The following AGAP3 variants were observed in gnomAD, a reference collection of about 807,000 sequenced individuals.
The protein encoded by AGAP3 is ArfGAP with GTPase domain, ankyrin repeat and PH domain 3.
A neutral mutation model predicts 96.9 loss-of-function variants in AGAP3; 24 were observed. The ratio of observed to expected loss-of-function variants is 0.25; its 90% CI spans 0.18 to 0.35. The LOEUF is 0.35. Among genes scored for constraint, AGAP3 ranks in the 10% least tolerant of loss-of-function variants. The probability of loss-of-function intolerance (pLI) is 1.00; values close to 1 mark genes in which losing one functional copy is unlikely to be tolerated. For missense variants in AGAP3, 876 were observed against 1,254.2 expected (o/e 0.70, Z 4.55); for synonymous variants, 563 against 536.1 (o/e 1.05, Z -0.69).
intron 1 of AGAP3, chr7:151,116,517 C>T (rs1348298960): frequency 9.8e-6 from 5 of 512,180 alleles, no homozygotes; most frequent in Non-Finnish European, 1.0e-5. Context: ...CCTGCTGGAG[C>T]AGGAAGAGGA....
At chr7:151,120,286 C>T (rs754708814) in intron 8 of AGAP3, 141 bp downstream of exon 8, 3 of 923,034 alleles carry the variant, frequency 3.3e-6, no homozygotes, top group Non-Finnish European at 4.8e-6. Flanking sequence ...ATACACACGG[C>T]TCCCGAGGGT....
chr7:151,128,787 G>A, intron 10 of AGAP3, 103 bp downstream of exon 10: 1 of 974,720 alleles, frequency 1.0e-6, no homozygotes, highest in Non-Finnish European at 1.6e-6. Flanking sequence ...ACGGGAAGCA[G>A]ACCTTAGTGA....
Position 151,118,089 on chromosome 7 carries a change from G to C in AGAP3, c.707-121G>C. The stretch of plus-strand genomic sequence containing the variant: ...TGAGACCCAGGCACCCGCGTTCTTG[G>C]TGCTCTGTGTGTTCCACTCACCAGG... On this transcript the variant is annotated intron_variant, in intron 5 of 17. Transcript: ENST00000397238. The surrounding 1 kb of genome is among the most constrained non-coding windows in gnomAD (Gnocchi z 6.1). 4 of 1,351,466 alleles carry C rather than the reference G, an allele frequency of 3.0e-6. No individual in the cohort carries two copies. The highest frequency in any genetic ancestry group is 1.5e-5 in the South Asian group (1 of 68,614). The allele number at this position is 1,351,466 out of a possible 1,614,324, so 83.7% of individuals were successfully genotyped here.
chr7:151,131,247 C>G (rs1350810510), intron 10 of AGAP3: 1 of 152,264 alleles, frequency 6.6e-6, no homozygotes, highest in Non-Finnish European at 1.5e-5. Context: ...GCCAGCGGAG[C>G]CATTCACACA....
At chr7:151,111,919 C>A (rs1799305444) in intron 1 of AGAP3, among the ~76,000 whole-genome samples, 1 of 152,162 alleles carries the variant, frequency 6.6e-6, no homozygotes, top group South Asian at 2.1e-4. Context: ...CAGTACTGTT[C>A]GTGTAGTCCC....
intron 1 of AGAP3, among the ~76,000 whole-genome samples, chr7:151,101,193 C>T (rs1157113969): frequency 1.3e-5 from 2 of 152,254 alleles, no homozygotes; most frequent in Non-Finnish European, 2.9e-5. Context: ...GCTTGAGCCA[C>T]CAAGGAGCCT....
intron 1 of AGAP3, among the ~76,000 whole-genome samples, chr7:151,100,405 C>G (rs1798791010): frequency 6.6e-6 from 1 of 152,244 alleles, no homozygotes; most frequent in Non-Finnish European, 1.5e-5. Flanking sequence ...ACAGCAGCCC[C>G]TAAGAGATGT....
intron 9 of AGAP3, 45 bp downstream of exon 9, chr7:151,123,931 C>T: frequency 6.3e-7 from 1 of 1,577,430 alleles, no homozygotes; most frequent in African/African-American, 1.3e-5. Context: ...AGAATGAGGC[C>T]CAGGAATGTG....
chr7:151,103,979 A>C (rs541336394), intron 1 of AGAP3, among the ~76,000 whole-genome samples: 46 of 152,286 alleles, frequency 3.0e-4, no homozygotes, highest in Middle Eastern at 3.4e-3. Flanking sequence ...CGGTTCCTCC[A>C]CGGGACCACA....
In AGAP3 at chr7:151,140,108, C is replaced by A; in HGVS notation, c.1796C>A (p.Ala599Asp). ...GTPRPDGPSS[A>D]TEEAEESFEF... ...CCCCGACCAGACGGCCCCAGCAGTG[C>A]TACTGAAGGTTAGGGGGACCCAGAG... is the stretch of plus-strand genomic sequence containing the variant. The change falls in exon 13 of 18, where the codon GCT becomes GAT. Residue 599 changes from alanine (A) to aspartate (D), a missense_variant. Ala to Asp is a moderately radical substitution (Grantham distance 126, BLOSUM62 -2). Around this residue, in one of 8 missense-constraint regions of AGAP3, gnomAD observed 103 missense variants for 183.0 expected, o/e 0.56. Transcript: ENST00000397238. The surrounding 1 kb of genome is among the most constrained non-coding windows in gnomAD (Gnocchi z 5.4). 6.3e-7 allele frequency: 1 copy of A among 1,593,612 alleles called. No homozygotes were observed. The highest frequency in any genetic ancestry group is 2.3e-5 in the East Asian group (1 of 42,994).
Position 151,120,001 on chromosome 7 carries a change from C to T in AGAP3, c.984C>T (p.Gly328=), listed in dbSNP as rs371847966. 25 of 1,612,920 alleles carry T rather than the reference C, an allele frequency of 1.5e-5. No homozygotes were observed. The highest frequency in any genetic ancestry group is 5.3e-5 in the African/African-American group (4 of 74,928). ...TTTGTCCTTAGGCCACGAATGGCGGCGGCAGCGCCTTCAGCGACTACTCGT... is the reference window on the plus strand; with the variant it reads ...TTTGTCCTTAGGCCACGAATGGCGGTGGCAGCGCCTTCAGCGACTACTCGT... The part of the protein sequence containing the change: ...AVHINQATNG[G]GSAFSDYSSS... Residue 328 remains glycine (G), a synonymous_variant, in exon 8 of 18, where the codon GGC becomes GGT. Coordinates refer to ENST00000397238, the MANE Select transcript of AGAP3 (RefSeq NM_031946.7).
chr7:151,144,091 G>C lies in AGAP3; in HGVS notation c.*148G>C. ...AGGAAATTAGGGAGGAGAGTCAAAG[G>C]GATCAAGGAGAGTTGGGGATTTGAG... On this transcript the variant is annotated 3_prime_UTR_variant, in exon 18 of 18. Transcript: ENST00000397238. 1 of 825,266 alleles carries C rather than the reference G, an allele frequency of 1.2e-6. No homozygotes were observed. Among genetic ancestry groups the C allele is most frequent in the Non-Finnish European group, 1.9e-6 (1 of 536,452 alleles). 51.1% of individuals were successfully genotyped at this position (825,266 alleles called of 1,614,324 possible).
intron 12 of AGAP3, among the ~76,000 whole-genome samples, chr7:151,138,743 G>T (rs538105146): frequency 4.1e-4 from 63 of 152,300 alleles, no homozygotes; most frequent in African/African-American, 1.3e-3. Context: ...AGGGAGGTCG[G>T]ACGGAGGCTG....
intron 11 of AGAP3, among the ~76,000 whole-genome samples, chr7:151,137,501 G>C (rs1374505790): frequency 6.6e-6 from 1 of 152,176 alleles, no homozygotes; most frequent in Non-Finnish European, 1.5e-5. Flanking sequence ...CTCCAGCAGG[G>C]GCTCAGCCAG....
chr7:151,124,613 G>T (rs1800079523), intron 9 of AGAP3, among the ~76,000 whole-genome samples: 1 of 152,232 alleles, frequency 6.6e-6, no homozygotes, highest in African/African-American at 2.4e-5. Flanking sequence ...TACATAGGCA[G>T]CCGTACTGCC....
In AGAP3 at chr7:151,142,669, G is replaced by A; in HGVS notation, c.2273+35G>A. On this transcript the variant is annotated intron_variant, in intron 16 of 17. Coordinates refer to ENST00000397238, the MANE Select transcript of AGAP3 (RefSeq NM_031946.7). The surrounding 1 kb of genome is among the most constrained non-coding windows in gnomAD (Gnocchi z 7.5). ...TGGTGCCCTGGAGCTGGCCAGGAAT[G>A]GGGGAAGCGTTGGGGGCTCCCAGCA... The A allele has an allele frequency of 1.3e-6, 2 of 1,597,664 alleles. No individual in the cohort carries two copies. Among genetic ancestry groups the A allele is most frequent in the Non-Finnish European group, 1.7e-6 (2 of 1,172,258 alleles).
At chr7:151,111,601 C>T (rs139637887) in intron 1 of AGAP3, among the ~76,000 whole-genome samples, 2,666 of 152,030 alleles carry the variant, frequency 0.018, 34 homozygotes, top group Non-Finnish European at 0.029. Context: ...CCTGTGCACA[C>T]GCAAGCAGGG....
intron 11 of AGAP3, among the ~76,000 whole-genome samples, chr7:151,135,272 G>T (rs757256396): frequency 3.3e-5 from 5 of 152,164 alleles, no homozygotes; most frequent in African/African-American, 7.2e-5. Flanking sequence ...AGTATCCCCA[G>T]TGTTGTCCTA....
chr7:151,110,952 C>T (rs1253910298), intron 1 of AGAP3, among the ~76,000 whole-genome samples: 4 of 152,168 alleles, frequency 2.6e-5, no homozygotes, highest in Non-Finnish European at 4.4e-5. Context: ...TGCAGCAACT[C>T]GAGTTGTCTC....
Sources: gnomAD v4.1 joint callset for allele counts (sites outside exome capture counted in the v4.1 genomes callset) on GRCh38, gnomAD v4.1.1 for gene constraint, gnomAD v4.1.1 regional missense constraint, Gnocchi (gnomAD v3.1) non-coding constraint, MANE v1.5 for transcripts, NCBI Gene and HGNC (gene_info 2026-07-23, HGNC 2026-07-21) for gene names.